Variants in MIR2052HG observed in about 807,000 individuals in gnomAD.
MIR2052HG encodes the protein MIR2052 host gene.
At chr8:74,653,607 T>A (rs1023259505) in intron 2 of MIR2052HG, among the ~76,000 whole-genome samples, 2 of 152,154 alleles carry the variant, frequency 1.3e-5, no homozygotes, top group Non-Finnish European at 2.9e-5. Flanking sequence ...TAGCACATAG[T>A]GGTACAGCCA....
intron 4 of MIR2052HG, among the ~76,000 whole-genome samples, chr8:74,735,419 C>T (rs1452927504): frequency 6.6e-6 from 1 of 152,180 alleles, no homozygotes; most frequent in Non-Finnish European, 1.5e-5. Flanking sequence ...CCTCATATCT[C>T]ATTTCCAAAT....
At chr8:74,665,331 C>G (rs1317600621) in intron 2 of MIR2052HG, among the ~76,000 whole-genome samples, 1 of 152,184 alleles carries the variant, frequency 6.6e-6, no homozygotes, top group Non-Finnish European at 1.5e-5. Context: ...CAATGACACA[C>G]AGTTTTCTTT....
chr8:74,664,934 C>T (rs1053991229), intron 2 of MIR2052HG, among the ~76,000 whole-genome samples: 1 of 152,206 alleles, frequency 6.6e-6, no homozygotes, highest in African/African-American at 2.4e-5. Context: ...ATCCTGTTAC[C>T]AGCATCATAG....
At chr8:74,711,461 G>C (rs555159588) in intron 4 of MIR2052HG, among the ~76,000 whole-genome samples, 96 of 152,280 alleles carry the variant, frequency 6.3e-4, no homozygotes, top group African/African-American at 2.3e-3. Context: ...CTCCATACAT[G>C]TTGAGTTGAA....
At position 74,744,275 on chromosome 8, in the gene MIR2052HG, A is replaced by G. The variant is rs564789110; in HGVS notation, n.372-8166A>G. Among the ~76,000 whole-genome samples, 215 of 149,366 alleles carry G rather than the reference A, an allele frequency of 1.4e-3. 1 individual carries two copies. Among genetic ancestry groups the G allele is most frequent in the African/African-American group, 5.0e-3 (206 of 41,390 alleles). ...TTATTTTTATTTTTTTATTTTTTAA[A>G]CATTTATTTTTTCAATTTTTAGAGA... On this transcript the variant is annotated intron_variant and non_coding_transcript_variant, in intron 4 of 6. Coordinates refer to ENST00000523442, the Ensembl canonical transcript of MIR2052HG.
At chr8:74,746,479 C>A (rs73687268) in intron 4 of MIR2052HG, among the ~76,000 whole-genome samples, 2,932 of 151,430 alleles carry the variant, frequency 0.019, 84 homozygotes, top group African/African-American at 0.067. Flanking sequence ...TAACTCCAAG[C>A]AAAAGCAATA....
chr8:74,602,816 T>C (rs559712385), intron 1 of MIR2052HG, among the ~76,000 whole-genome samples: 67 of 142,502 alleles, frequency 4.7e-4, no homozygotes, highest in African/African-American at 1.6e-3. Context: ...TGCCCGGCCG[T>C]GTTTCTTTCT....
chr8:74,700,034 C>A (rs560910444), intron 2 of MIR2052HG, among the ~76,000 whole-genome samples: 1 of 152,068 alleles, frequency 6.6e-6, no homozygotes, highest in Non-Finnish European at 1.5e-5. Context: ...TCATTTAATT[C>A]TTCTAACAAT....
chr8:74,701,070 T>C (rs957326500), intron 2 of MIR2052HG, among the ~76,000 whole-genome samples: 6 of 152,140 alleles, frequency 3.9e-5, no homozygotes, highest in Non-Finnish European at 8.8e-5. Flanking sequence ...CTTTCAAACC[T>C]ACTACATGAG....
chr8:74,746,025 A>G (rs756449827), intron 4 of MIR2052HG, among the ~76,000 whole-genome samples: 4 of 152,162 alleles, frequency 2.6e-5, no homozygotes, highest in Non-Finnish European at 5.9e-5. Context: ...GAGGGGGAAG[A>G]GACTGGCTCC....
chr8:74,612,971 G>T (rs1311027133), intron 2 of MIR2052HG: 3 of 454,388 alleles, frequency 6.6e-6, no homozygotes, highest in African/African-American at 4.0e-5. Flanking sequence ...CAGCTGCACT[G>T]TGTGGGAAGA....
At chr8:74,639,145 T>C (rs1484114471) in intron 2 of MIR2052HG, among the ~76,000 whole-genome samples, 1 of 152,194 alleles carries the variant, frequency 6.6e-6, no homozygotes, top group Non-Finnish European at 1.5e-5. Flanking sequence ...GTCTGTTCTT[T>C]TGAGGGCTTG....
intron 2 of MIR2052HG, among the ~76,000 whole-genome samples, chr8:74,675,200 G>T (rs1006258442): frequency 6.6e-6 from 1 of 152,092 alleles, no homozygotes; most frequent in Admixed American, 6.6e-5. Flanking sequence ...GAAGATAATG[G>T]ATGGTGGTAA....
chr8:74,669,886 G>T (rs1808972030), intron 2 of MIR2052HG, among the ~76,000 whole-genome samples: 1 of 152,106 alleles, frequency 6.6e-6, no homozygotes, highest in African/African-American at 2.4e-5. Context: ...GCTAAATTAT[G>T]TCCCCACAAA....
rs944064019 is a variant in MIR2052HG at position 74,603,827 on chromosome 8, T to A, written n.128+3919T>A. ...ATAGTGATGGCCTGCTCAGTTGAGTTGGGTAGCATATCCCCTGCCATCTAG... is the reference window on the plus strand; with the variant it reads ...ATAGTGATGGCCTGCTCAGTTGAGTAGGGTAGCATATCCCCTGCCATCTAG... On this transcript the variant is annotated intron_variant and non_coding_transcript_variant, in intron 1 of 6. Coordinates refer to ENST00000523442, the Ensembl canonical transcript of MIR2052HG. 1.5e-5 allele frequency: 13 copies of A among 845,768 alleles called. No individual in the cohort carries two copies. In the Admixed American group the frequency reaches 1.9e-4, roughly 12 times the overall value. The allele number at this position is 845,768 out of a possible 1,614,324, so 52.4% of individuals were successfully genotyped here.
intron 2 of MIR2052HG, among the ~76,000 whole-genome samples, chr8:74,643,859 A>G (rs908908269): frequency 6.6e-6 from 1 of 152,192 alleles, no homozygotes; most frequent in Non-Finnish European, 1.5e-5. Flanking sequence ...TAACAACAAG[A>G]AAAAATAACA....
chr8:74,681,839 A>G (rs1374614006), intron 2 of MIR2052HG, among the ~76,000 whole-genome samples: 2 of 152,210 alleles, frequency 1.3e-5, no homozygotes, highest in Admixed American at 6.6e-5. Flanking sequence ...ATAGCAGAAG[A>G]AAACAGGCTA....
chr8:74,689,975 A>G (rs968517602), intron 2 of MIR2052HG, among the ~76,000 whole-genome samples: 5 of 152,182 alleles, frequency 3.3e-5, no homozygotes, highest in Non-Finnish European at 5.9e-5. Context: ...AACCAGAGAT[A>G]GAAAACCCTG....
chr8:74,650,965 G>C (rs1808744965), intron 2 of MIR2052HG, among the ~76,000 whole-genome samples: 1 of 152,024 alleles, frequency 6.6e-6, no homozygotes, highest in Admixed American at 6.6e-5. Context: ...CCATTTTAAT[G>C]GCTTCCATCA....
Sources: gnomAD v4.1 joint callset for allele counts (sites outside exome capture counted in the v4.1 genomes callset) on GRCh38, gnomAD v4.1.1 for gene constraint, MANE v1.5 for transcripts, NCBI Gene and HGNC (gene_info 2026-07-23, HGNC 2026-07-21) for gene names.